Variants in CCDC3 observed in about 807,000 individuals in gnomAD.
The protein encoded by CCDC3 is coiled-coil domain-containing protein 3.
A neutral mutation model predicts 21.4 loss-of-function variants in CCDC3; 24 were observed. The observed-to-expected ratio is 1.12, with a 90% CI of 0.81 to 1.58. CCDC3 has a LOEUF of 1.58. Ranked by LOEUF, CCDC3 falls within the 40% of genes most tolerant of loss-of-function variation. The pLI, the probability that CCDC3 is intolerant of heterozygous loss-of-function variation, is 0.00. For missense variants in CCDC3, 425 were observed against 360.9 expected, an observed-to-expected ratio of 1.18 and a Z score of -1.44; for synonymous variants, 186 against 166.0, an observed-to-expected ratio of 1.12 and a Z score of -0.93.
intron 2 of CCDC3, among the ~76,000 whole-genome samples, chr10:12,994,578 G>C (rs965437007): frequency 1.3e-5 from 2 of 152,026 alleles, no homozygotes; most frequent in African/African-American, 4.8e-5. Flanking sequence ...CGGAGTGTTA[G>C]CGTGTTCTGA....
chr10:12,940,652 C>A (rs1053725821), intron 2 of CCDC3, among the ~76,000 whole-genome samples: 1 of 151,722 alleles, frequency 6.6e-6, no homozygotes, highest in Non-Finnish European at 1.5e-5. Context: ...CTGGTGGTAC[C>A]GAGCAAGAAG....
intron 2 of CCDC3, among the ~76,000 whole-genome samples, chr10:12,953,255 T>C (rs1835036187): frequency 6.6e-6 from 1 of 152,126 alleles, no homozygotes; most frequent in African/African-American, 2.4e-5. Flanking sequence ...ATGAGACTTA[T>C]TCACTGTCAT....
chr10:13,051,183 C>A (rs1269250901), intron 4 of CCDC3, among the ~76,000 whole-genome samples: 3 of 152,168 alleles, frequency 2.0e-5, no homozygotes, highest in African/African-American at 7.2e-5. Context: ...GTATTTCCAA[C>A]CGACTTACTC....
chr10:13,031,950 C>G (rs1206225106), intron 5 of CCDC3, among the ~76,000 whole-genome samples: 1 of 152,136 alleles, frequency 6.6e-6, no homozygotes, highest in Non-Finnish European at 1.5e-5. Context: ...GAAACTATTC[C>G]AATCAATAGA....
At chr10:12,924,427 C>T (rs541243607) in intron 2 of CCDC3, among the ~76,000 whole-genome samples, 17 of 152,308 alleles carry the variant, frequency 1.1e-4, no homozygotes, top group South Asian at 8.3e-4. Flanking sequence ...AGCGAATATT[C>T]GTTGCCAAAA....
chr10:13,040,167 C>T (rs548640083), intron 5 of CCDC3, among the ~76,000 whole-genome samples: 3 of 152,126 alleles, frequency 2.0e-5, no homozygotes, highest in South Asian at 2.1e-4. Context: ...GAAGCTGGGG[C>T]GAACACAGTG....
At chr10:13,083,543 G>A (rs553623354) in intron 3 of CCDC3, among the ~76,000 whole-genome samples, 10 of 152,328 alleles carry the variant, frequency 6.6e-5, no homozygotes, top group African/African-American at 2.4e-4. Flanking sequence ...GCTGTTAAAT[G>A]TGCTCACAGG....
Position 13,008,257 on chromosome 10 carries a change from G to C in CCDC3, c.-1-9745C>G, listed in dbSNP as rs138295522. 2.8e-3 allele frequency among the ~76,000 whole-genome samples: 419 copies of C among 152,326 alleles called. 2 individuals carry two copies. Among genetic ancestry groups the C allele is most frequent in the African/African-American group, 9.5e-3 (397 of 41,572 alleles). On this transcript the variant is annotated intron_variant, in intron 5 of 6. Transcript: ENST00000378839. ...CACAAGGATGTCAGTGCATGAGCAA[G>C]AACAGGGGACTTCCATGTGAAAGGG...
At chr10:12,935,110 T>C (rs1313620267) in intron 2 of CCDC3, among the ~76,000 whole-genome samples, 1 of 152,110 alleles carries the variant, frequency 6.6e-6, no homozygotes, top group Non-Finnish European at 1.5e-5. Flanking sequence ...CTTGCTGGTC[T>C]CAAGCAATCC....
intron 4 of CCDC3, among the ~76,000 whole-genome samples, chr10:13,068,939 A>C (rs1054911227): frequency 6.6e-6 from 1 of 152,256 alleles, no homozygotes; most frequent in Non-Finnish European, 1.5e-5. Context: ...CTGAAGGTTT[A>C]ATCAAATGAT....
intron 3 of CCDC3, among the ~76,000 whole-genome samples, chr10:13,077,978 G>A (rs1836986603): frequency 6.6e-6 from 1 of 152,138 alleles, no homozygotes; most frequent in South Asian, 2.1e-4. Flanking sequence ...AACACCAAAA[G>A]CAATGGCAAC....
chr10:12,946,359 TGA>T (rs1489311972), intron 2 of CCDC3, among the ~76,000 whole-genome samples: 2 of 152,216 alleles, frequency 1.3e-5, no homozygotes, highest in Non-Finnish European at 2.9e-5. Context: ...CTCTGTACTG[TGA>T]GTTTCTACAT....
At chr10:12,931,791 C>T (rs1418161176) in intron 2 of CCDC3, among the ~76,000 whole-genome samples, 2 of 152,314 alleles carry the variant, frequency 1.3e-5, no homozygotes, top group Admixed American at 1.3e-4. Context: ...CCTAAACTGT[C>T]CACATTTCAA....
At chr10:13,043,684 T>A (rs1172291950) in intron 5 of CCDC3, among the ~76,000 whole-genome samples, 2 of 152,180 alleles carry the variant, frequency 1.3e-5, no homozygotes, top group African/African-American at 4.8e-5. Flanking sequence ...AGGACATGAT[T>A]TCATTCTTTT....
chr10:12,953,357 G>C (rs1314877737), intron 2 of CCDC3, among the ~76,000 whole-genome samples: 1 of 152,118 alleles, frequency 6.6e-6, no homozygotes, highest in African/African-American at 2.4e-5. Flanking sequence ...TAAGATTTGG[G>C]TGGGGACACA....
intron 5 of CCDC3, among the ~76,000 whole-genome samples, chr10:13,034,941 G>A (rs1046409906): frequency 1.3e-5 from 2 of 151,546 alleles, no homozygotes; most frequent in African/African-American, 4.9e-5. Context: ...CAGGAGAATC[G>A]CTTGAACCCA....
At chr10:12,988,813 C>A (rs1835638337) in intron 2 of CCDC3, among the ~76,000 whole-genome samples, 1 of 152,112 alleles carries the variant, frequency 6.6e-6, no homozygotes, top group Non-Finnish European at 1.5e-5. Flanking sequence ...CAGTGACACA[C>A]TGTAGGTGTT....
chr10:12,999,549 CAG>C (rs760278884), intron 1 of CCDC3, among the ~76,000 whole-genome samples: 1 of 152,206 alleles, frequency 6.6e-6, no homozygotes, highest in Non-Finnish European at 1.5e-5. Flanking sequence ...CCCAGAATAA[CAG>C]AGAAGGAATG....
intron 2 of CCDC3, among the ~76,000 whole-genome samples, chr10:12,936,332 G>T (rs989978152): frequency 2.0e-5 from 3 of 152,016 alleles, no homozygotes; most frequent in Non-Finnish European, 4.4e-5. Flanking sequence ...ATTTTTGCCT[G>T]TATATGTAAG....
Sources: gnomAD v4.1 joint callset for allele counts (sites outside exome capture counted in the v4.1 genomes callset) on GRCh38, gnomAD v4.1.1 for gene constraint, MANE v1.5 for transcripts, NCBI Gene and HGNC (gene_info 2026-07-23, HGNC 2026-07-21) for gene names.